Variants in PIGL observed in about 807,000 individuals in gnomAD.
PIGL encodes the protein phosphatidylinositol glycan anchor biosynthesis class L, also known as N-acetylglucosaminyl-phosphatidylinositol de-N-acetylase.
In PIGL, 22 loss-of-function variants were observed where a neutral mutation model predicts 31.1. The ratio of observed to expected loss-of-function variants is 0.71; its 90% CI spans 0.51 to 1.01. The LOEUF is 1.01. PIGL is among the 50% of genes least tolerant of loss of function. The pLI, the probability that PIGL is intolerant of heterozygous loss-of-function variation, is 0.00. For missense variants in PIGL, 302 were observed against 315.9 expected (o/e 0.96, Z 0.33); for synonymous variants, 131 against 117.4 (o/e 1.12, Z -0.75).
At chr17:16,261,748 C>A (rs150134471) in intron 2 of PIGL, among the ~76,000 whole-genome samples, 1 of 151,814 alleles carries the variant, frequency 6.6e-6, no homozygotes, top group African/African-American at 2.4e-5. Context: ...ACTACAAGTG[C>A]GCACCACCAT....
chr17:16,318,734 C>T (rs1407371793), intron 6 of PIGL, among the ~76,000 whole-genome samples: 1 of 151,092 alleles, frequency 6.6e-6, no homozygotes, highest in African/African-American at 2.4e-5. Flanking sequence ...GGTTCAAGAC[C>T]AGCCTGGCCA....
chr17:16,217,392 T>A lies in PIGL; in HGVS notation c.166T>A (p.Phe56Ile). The change falls in exon 1 of 7, where the codon TTT becomes ATT. Residue 56 changes from phenylalanine to isoleucine, a missense_variant. By Grantham distance (21) the Phe-to-Ile change is conservative. Transcript: ENST00000225609. ...VIAHPDDEAM[F>I]FAPTVLGLAR... Reference sequence around the variant, plus strand: ...AGCGCACCCTGACGATGAAGCCATGTTTTTTGCTCCCACAGTGCTAGGCTT... The same window carrying A: ...AGCGCACCCTGACGATGAAGCCATGATTTTTGCTCCCACAGTGCTAGGCTT... 2.5e-6 allele frequency: 4 copies of A among 1,614,110 alleles called. No homozygotes were observed. Among genetic ancestry groups the A allele is most frequent in the Non-Finnish European group, 3.4e-6 (4 of 1,180,018 alleles).
At chr17:16,324,949 G>A (rs1600874477) in intron 6 of PIGL, among the ~76,000 whole-genome samples, 1 of 151,914 alleles carries the variant, frequency 6.6e-6, no homozygotes, top group Non-Finnish European at 1.5e-5. Flanking sequence ...CTCCCCAAAC[G>A]ACCTAACTCA....
chr17:16,254,252 A>C (rs1600782390), intron 2 of PIGL, among the ~76,000 whole-genome samples: 2 of 151,982 alleles, frequency 1.3e-5, no homozygotes, highest in South Asian at 4.1e-4. Context: ...TAGCATATAC[A>C]CCAATTTTTT....
chr17:16,261,299 G>A (rs1198593935), intron 2 of PIGL, among the ~76,000 whole-genome samples: 1 of 152,120 alleles, frequency 6.6e-6, no homozygotes, highest in African/African-American at 2.4e-5. Flanking sequence ...GCAATACTCA[G>A]GCAGAAGGCA....
intron 2 of PIGL, among the ~76,000 whole-genome samples, chr17:16,288,227 A>G (rs2092946043): frequency 1.3e-5 from 2 of 151,400 alleles, no homozygotes; most frequent in Non-Finnish European, 2.9e-5. Flanking sequence ...TTCTTTCGAG[A>G]CGAAGTCTCA....
chr17:16,255,509 C>A (rs750415111), intron 2 of PIGL, among the ~76,000 whole-genome samples: 35 of 152,266 alleles, frequency 2.3e-4, no homozygotes, highest in Non-Finnish European at 4.7e-4. Context: ...GCTAGCAGTT[C>A]CTGGAAGTCA....
At chr17:16,302,320 G>A (rs555190739) in intron 3 of PIGL, among the ~76,000 whole-genome samples, 1 of 152,220 alleles carries the variant, frequency 6.6e-6, no homozygotes, top group South Asian at 2.1e-4. Flanking sequence ...ATGGGCTTAG[G>A]AATAATGCCT....
At chr17:16,232,839 G>C (rs747617849) in intron 1 of PIGL, among the ~76,000 whole-genome samples, 3 of 151,894 alleles carry the variant, frequency 2.0e-5, no homozygotes, top group Non-Finnish European at 4.4e-5. Context: ...AAACCTGTTT[G>C]CTGGGCGCAG....
At chr17:16,237,316 C>T (rs1299207197) in intron 2 of PIGL, among the ~76,000 whole-genome samples, 1 of 151,684 alleles carries the variant, frequency 6.6e-6, no homozygotes, top group African/African-American at 2.4e-5. Context: ...CCATGTTGGC[C>T]AGGCTGGTCT....
At chr17:16,310,686 A>ATG (rs2093045521) in intron 3 of PIGL, among the ~76,000 whole-genome samples, 4 of 152,010 alleles carry the variant, frequency 2.6e-5, no homozygotes, top group African/African-American at 9.7e-5. Flanking sequence ...ACAGGTGCCC[A>ATG]CCACCACGCC....
At chr17:16,280,571 C>G (rs2092912497) in intron 2 of PIGL, among the ~76,000 whole-genome samples, 1 of 152,164 alleles carries the variant, frequency 6.6e-6, no homozygotes, top group African/African-American at 2.4e-5. Flanking sequence ...CATGCACAGC[C>G]TCTCTGGTTA....
chr17:16,313,634 G>A lies in PIGL; in HGVS notation c.494+20G>A. ...TGTGAGGTATGATTCTCCGGGTGAT[G>A]GATGTGGGGGAGGGTTTGTTTATTT... On this transcript the variant is annotated intron_variant, in intron 4 of 6. Transcript: ENST00000225609. The A allele has an allele frequency of 6.3e-7, 1 of 1,583,318 alleles. No homozygotes were observed. The highest frequency in any genetic ancestry group is 8.7e-7 in the Non-Finnish European group (1 of 1,151,934).
At chr17:16,264,020 T>C (rs2092830699) in intron 2 of PIGL, among the ~76,000 whole-genome samples, 1 of 143,192 alleles carries the variant, frequency 7.0e-6, no homozygotes, top group Admixed American at 7.0e-5. Flanking sequence ...ATTTTTTTTT[T>C]TTTTTTTTTT....
At chr17:16,287,236 G>T (rs1473859609) in intron 2 of PIGL, among the ~76,000 whole-genome samples, 1 of 152,216 alleles carries the variant, frequency 6.6e-6, no homozygotes, top group African/African-American at 2.4e-5. Flanking sequence ...GCTTGCGATT[G>T]CCCGGGGGTC....
At chr17:16,272,604 C>T (rs1021293461) in intron 2 of PIGL, among the ~76,000 whole-genome samples, 6 of 152,206 alleles carry the variant, frequency 3.9e-5, no homozygotes, top group Admixed American at 2.0e-4. Flanking sequence ...TCTGGCTCAT[C>T]GTCCTACTAC....
intron 2 of PIGL, among the ~76,000 whole-genome samples, chr17:16,258,369 G>A (rs1412748676): frequency 2.6e-5 from 4 of 151,258 alleles, no homozygotes; most frequent in African/African-American, 7.3e-5. Flanking sequence ...TAGTAGAGAC[G>A]GCATTTTGCG....
At chr17:16,258,456 G>A (rs1414999527) in intron 2 of PIGL, among the ~76,000 whole-genome samples, 2 of 151,702 alleles carry the variant, frequency 1.3e-5, no homozygotes, top group South Asian at 4.2e-4. Flanking sequence ...GGGATTACAG[G>A]TGTGAGCCAC....
intron 3 of PIGL, among the ~76,000 whole-genome samples, chr17:16,310,077 CAAAAAAA>C (rs58352380): frequency 1.1e-5 from 1 of 88,782 alleles, no homozygotes; most frequent in Non-Finnish European, 2.2e-5. Context: ...GACTCCATCT[CAAAAAAA>C]AAAAAAAAAA....
Sources: allele counts gnomAD v4.1 joint callset (sites outside exome capture counted in the v4.1 genomes callset), GRCh38; gene constraint gnomAD v4.1.1; transcripts MANE v1.5; gene names NCBI Gene and HGNC (gene_info 2026-07-23, HGNC 2026-07-21).